GRIK1: variants seen among roughly 807,000 people sequenced by gnomAD.
GRIK1 encodes glutamate ionotropic receptor kainate type subunit 1.
GRIK1 carries 69 observed loss-of-function variants against 105.7 expected under a neutral mutation model. The ratio of observed to expected loss-of-function variants is 0.65; its 90% CI spans 0.54 to 0.80. The LOEUF is 0.80. GRIK1 is among the 30% of genes least tolerant of loss of function. GRIK1 has a pLI of 0.00. For synonymous variants in GRIK1, 438 were observed against 431.3 expected, an observed-to-expected ratio of 1.02 and a Z score of -0.19; for missense variants, 1,109 against 1,167.3, an observed-to-expected ratio of 0.95 and a Z score of 0.73.
chr21:29,886,257 T>C (rs2069624219), intron 1 of GRIK1, among the ~76,000 whole-genome samples: 1 of 152,162 alleles, frequency 6.6e-6, no homozygotes, highest in South Asian at 2.1e-4. Context: ...GCATTTTGCT[T>C]TCATCCAGAG....
chr21:29,866,697 A>T (rs1480298466), intron 1 of GRIK1, among the ~76,000 whole-genome samples: 1 of 152,236 alleles, frequency 6.6e-6, no homozygotes, highest in Admixed American at 6.5e-5. Flanking sequence ...GTCAAAGATT[A>T]CGGCATGTCA....
intron 6 of GRIK1, among the ~76,000 whole-genome samples, 190 bp from the exon 7 acceptor site, chr21:29,643,159 A>G (rs146698724): frequency 2.3e-4 from 35 of 152,214 alleles, no homozygotes; most frequent in African/African-American, 7.9e-4. Flanking sequence ...TTTGGAGTAA[A>G]TTGAAGTTAT....
At chr21:29,869,322 T>C (rs2068931742) in intron 1 of GRIK1, among the ~76,000 whole-genome samples, 1 of 152,258 alleles carries the variant, frequency 6.6e-6, no homozygotes, top group African/African-American at 2.4e-5. Flanking sequence ...CCTAAATACA[T>C]ACCAGGTTAA....
intron 1 of GRIK1, among the ~76,000 whole-genome samples, chr21:29,888,372 C>T (rs974944805): frequency 1.3e-5 from 2 of 150,202 alleles, no homozygotes; most frequent in Non-Finnish European, 3.0e-5. Context: ...TCAAGAGATC[C>T]TCACCCCTAG....
rs112626434 is a variant in GRIK1, at chr21:29,764,744, A to C, written c.119-70681T>G. Among the ~76,000 whole-genome samples, 413 of 152,348 alleles carry C rather than the reference A, an allele frequency of 2.7e-3. 2 individuals carry two copies. The highest frequency in any genetic ancestry group is 9.2e-3 in the African/African-American group (384 of 41,592). On this transcript the variant is annotated intron_variant, in intron 1 of 17. Coordinates refer to ENST00000327783, the MANE Select transcript of GRIK1 (RefSeq NM_001330994.2). Reference sequence around the variant, plus strand: ...ACCTACACAGTAGCAGAAATCAGAAAGGTACCTGCTCCTCACAAAAGCATC... The same window carrying C: ...ACCTACACAGTAGCAGAAATCAGAACGGTACCTGCTCCTCACAAAAGCATC...
At chr21:29,637,378 C>T (rs557536417) in intron 7 of GRIK1, among the ~76,000 whole-genome samples, 58 of 152,318 alleles carry the variant, frequency 3.8e-4, no homozygotes, top group Non-Finnish European at 5.9e-4. Flanking sequence ...TTGGCTTCCT[C>T]GGCCCCTACA....
chr21:29,841,944 G>A (rs1160962844), intron 1 of GRIK1, among the ~76,000 whole-genome samples: 5 of 152,034 alleles, frequency 3.3e-5, no homozygotes, highest in African/African-American at 7.2e-5. Flanking sequence ...TGTTTCTCAC[G>A]TGCAACTCTT....
intron 1 of GRIK1, among the ~76,000 whole-genome samples, chr21:29,733,216 G>A (rs184266968): frequency 6.6e-6 from 1 of 152,030 alleles, no homozygotes; most frequent in East Asian, 1.9e-4. Context: ...ACCAACATAG[G>A]AGAGCCTTAT....
At chr21:29,931,206 G>A (rs2071552708) in intron 1 of GRIK1, among the ~76,000 whole-genome samples, 1 of 152,100 alleles carries the variant, frequency 6.6e-6, no homozygotes, top group East Asian at 1.9e-4. Flanking sequence ...TTTTCTTGTT[G>A]CTGTTTCGGG....
chr21:29,673,269 C>T (rs1028618443), intron 3 of GRIK1, 105 bp from the exon 4 acceptor site: 11 of 668,410 alleles, frequency 1.6e-5, no homozygotes, highest in African/African-American at 5.4e-5. Flanking sequence ...TACCCAGTGG[C>T]CACCTTCCTA....
rs376058341 is a variant in GRIK1, at chr21:29,892,706, T to C, written c.118+46677A>G. ...AGGCTCCCTTAAGCCCTTAGGTCTC[T>C]ATGCCCTTAGAGAAATCAGGATGAG... On this transcript the variant is annotated intron_variant, in intron 1 of 17. Coordinates refer to ENST00000327783, the MANE Select transcript of GRIK1 (RefSeq NM_001330994.2). 6.6e-5 allele frequency among the ~76,000 whole-genome samples: 10 copies of C among 152,370 alleles called. No homozygotes were observed. In the East Asian group the frequency reaches 1.2e-3, roughly 18 times the overall value.
At chr21:29,635,801 G>C (rs1458517282) in intron 7 of GRIK1, among the ~76,000 whole-genome samples, 1 of 152,150 alleles carries the variant, frequency 6.6e-6, no homozygotes, top group Admixed American at 6.6e-5. Flanking sequence ...GGGTCAGGAG[G>C]CTTCAGCAGA....
At chr21:29,788,408 G>A (rs73897822) in intron 1 of GRIK1, among the ~76,000 whole-genome samples, 2,515 of 152,216 alleles carry the variant, frequency 0.017, 63 homozygotes, top group African/African-American at 0.057. Context: ...TAGAATCCTA[G>A]AATGGAACCT....
At chr21:29,547,894 G>A (rs959108200) in intron 16 of GRIK1, among the ~76,000 whole-genome samples, 5 of 152,194 alleles carry the variant, frequency 3.3e-5, no homozygotes, top group Non-Finnish European at 7.4e-5. Flanking sequence ...AAGGAACACC[G>A]AGGAAAGATA....
intron 1 of GRIK1, among the ~76,000 whole-genome samples, chr21:29,925,254 T>C (rs1416265460): frequency 6.6e-6 from 1 of 152,168 alleles, no homozygotes; most frequent in Non-Finnish European, 1.5e-5. Flanking sequence ...ACCTATAATT[T>C]GTTTAAGCAA....
At chr21:29,609,943 G>C (rs1386382067) in intron 7 of GRIK1, among the ~76,000 whole-genome samples, 1 of 152,024 alleles carries the variant, frequency 6.6e-6, no homozygotes, top group Non-Finnish European at 1.5e-5. Flanking sequence ...AATGTATCTG[G>C]TTTATTACAA....
At chr21:29,939,347 C>A in intron 1 of GRIK1, 36 bp downstream of exon 1, 1 of 1,248,576 alleles carries the variant, frequency 8.0e-7, no homozygotes, top group Non-Finnish European at 1.1e-6. Context: ...GGCGACCGAC[C>A]ACGTCTCCCG....
chr21:29,738,724 T>C (rs1035556424), intron 1 of GRIK1, among the ~76,000 whole-genome samples: 7 of 152,370 alleles, frequency 4.6e-5, no homozygotes, highest in Non-Finnish European at 8.8e-5. Context: ...TGCATCTATC[T>C]ATCTTGAATT....
intron 7 of GRIK1, among the ~76,000 whole-genome samples, chr21:29,612,854 C>T (rs950667317): frequency 6.6e-6 from 1 of 152,124 alleles, no homozygotes; most frequent in Middle Eastern, 3.2e-3. Context: ...TAGTCATAAA[C>T]CTGACATTGT....
Sources: gnomAD v4.1 joint callset for allele counts (sites outside exome capture counted in the v4.1 genomes callset) on GRCh38, gnomAD v4.1.1 for gene constraint, MANE v1.5 for transcripts, NCBI Gene and HGNC (gene_info 2026-07-23, HGNC 2026-07-21) for gene names.